DNAH10: variants seen among roughly 807,000 people sequenced by gnomAD.
DNAH10 encodes dynein axonemal heavy chain 10, also known as axonemal beta dynein heavy chain 10.
DNAH10 carries 348 observed loss-of-function variants against 506.6 expected under a neutral mutation model. That is an observed-to-expected ratio of 0.69 (90% confidence interval 0.63 to 0.75). The LOEUF (loss-of-function observed/expected upper bound fraction) is 0.75. Among genes scored for constraint, DNAH10 ranks in the 30% least tolerant of loss-of-function variants. The pLI is 0.00. For missense variants in DNAH10, 5,179 were observed against 5,787.1 expected, an observed-to-expected ratio of 0.89 and a Z score of 3.41; for synonymous variants, 2,059 against 2,198.6, an observed-to-expected ratio of 0.94 and a Z score of 1.78.
rs899096273 is a variant in DNAH10, at chr12:123,859,849, A to G, written c.6749+581A>G. On this transcript the variant is annotated intron_variant, in intron 38 of 78. Transcript: ENST00000673944. ...GGATTTTGAGAACAGCCTGGGCAAC[A>G]TAATGAGACTCCGTCTCCACATTAA... 2.0e-5 allele frequency among the ~76,000 whole-genome samples: 3 copies of G among 152,178 alleles called. No homozygotes were observed. The East Asian group carries it at 5.8e-4, about 29-fold the overall frequency.
rs755011165 is a variant in DNAH10 at position 123,925,250 on chromosome 12, T to A, written c.11921+46T>A. 6 of 1,611,158 alleles carry A rather than the reference T, an allele frequency of 3.7e-6. No homozygotes were observed. The highest frequency in any genetic ancestry group is 5.1e-6 in the Non-Finnish European group (6 of 1,177,810). ...ATTTGCCACTTTCCGTGGGGTGGAA[T>A]CTCTAGCGTCCTCCCACCTTGGACT... On this transcript the variant is annotated intron_variant, in intron 68 of 78. Coordinates refer to ENST00000673944, the MANE Select transcript of DNAH10 (RefSeq NM_001372106.1). The surrounding 1 kb of genome is among the most constrained non-coding windows in gnomAD (Gnocchi z 4.0).
At chr12:123,896,192 G>A (rs1221229807) in intron 54 of DNAH10, among the ~76,000 whole-genome samples, 9 of 145,896 alleles carry the variant, frequency 6.2e-5, no homozygotes, top group African/African-American at 2.0e-4. Flanking sequence ...GAGAGAGAGA[G>A]AGAATATATT....
chr12:123,822,904 C>T (rs1413341586), intron 24 of DNAH10, among the ~76,000 whole-genome samples: 1 of 152,218 alleles, frequency 6.6e-6, no homozygotes, highest in Non-Finnish European at 1.5e-5. Context: ...GGGAGGGCCA[C>T]CTGCTTTACT....
intron 65 of DNAH10, among the ~76,000 whole-genome samples, chr12:123,921,704 T>G (rs1408693211): frequency 3.7e-5 from 2 of 53,674 alleles, no homozygotes; most frequent in South Asian, 6.1e-4. Context: ...TTTTTTTTTT[T>G]TTTTTTTTTT....
chr12:123,857,278 C>T (rs770292666), intron 37 of DNAH10, 31 bp downstream of exon 37: 22 of 1,487,928 alleles, frequency 1.5e-5, no homozygotes, highest in South Asian at 4.2e-5. Flanking sequence ...TCACTGTGGC[C>T]GTGCATCCTT....
chr12:123,932,131 C>T, intron 76 of DNAH10, 23 bp downstream of exon 76: 5 of 1,612,222 alleles, frequency 3.1e-6, no homozygotes, highest in Non-Finnish European at 4.2e-6. Context: ...TCACCGCCTC[C>T]TCTCTGCCGA....
At chr12:123,921,715 T>G (rs1361809259) in intron 65 of DNAH10, among the ~76,000 whole-genome samples, 7 of 86,038 alleles carry the variant, frequency 8.1e-5, no homozygotes, top group East Asian at 2.6e-4. Context: ...TTTTTTTTTT[T>G]TTTTTTTTTT....
chr12:123,887,202 A>T lies in DNAH10; in HGVS notation c.8884A>T (p.Ser2962Cys), dbSNP rs980719790. 9.9e-6 allele frequency: 16 copies of T among 1,613,474 alleles called. No individual in the cohort carries two copies. The highest frequency in any genetic ancestry group is 6.7e-5 in the Admixed American group (4 of 59,952). The change falls in exon 52 of 79, where the codon AGC becomes TGC. Residue 2962 changes from serine to cysteine, a missense_variant. Physicochemically the swap from Ser to Cys is moderately radical, Grantham distance 112. Around this residue, in one of 3 missense-constraint regions of DNAH10, gnomAD observed 4,844 missense variants for 5,430.5 expected, o/e 0.89. Coordinates refer to ENST00000673944, the MANE Select transcript of DNAH10 (RefSeq NM_001372106.1). ...SENSFREDLK[S>C]LYLKLGIENK... is the part of the protein sequence containing the mutation. The stretch of plus-strand genomic sequence containing the variant: ...GAACAGTTTCCGGGAAGACCTGAAG[A>T]GCCTCTATTTGAAACTTGGGATTGA...
At chr12:123,872,778 A>T (rs944682714) in intron 45 of DNAH10, among the ~76,000 whole-genome samples, 6 of 152,170 alleles carry the variant, frequency 3.9e-5, no homozygotes, top group Admixed American at 3.9e-4. Flanking sequence ...GCACCACTGC[A>T]CTCCAACCTG....
intron 59 of DNAH10, 106 bp downstream of exon 59, chr12:123,910,778 T>A: frequency 7.0e-7 from 1 of 1,425,076 alleles, no homozygotes; most frequent in Non-Finnish European, 9.4e-7. Context: ...AGGTTCTGAC[T>A]TCAAGCTGCA....
chr12:123,801,408 A>G lies in DNAH10; in HGVS notation c.2590A>G (p.Lys864Glu). The stretch of plus-strand genomic sequence containing the variant: ...GCTCCGAGTGTTTAGGTCGGGATAT[A>G]AGAGGTTGAACTGGAACTCACTAGG... ...ELLRVFRSGY[K>E]RLNWNSLGIG... Residue 864 changes from lysine to glutamate, a missense_variant, in exon 16 of 79, where the codon AAG (lysine) becomes GAG (glutamate). By Grantham distance (56) the Lys-to-Glu change is moderately conservative (BLOSUM62 1). Transcript: ENST00000673944. 8 of 1,614,080 alleles carry G rather than the reference A, an allele frequency of 5.0e-6. No homozygotes were observed. Among genetic ancestry groups the G allele is most frequent in the Non-Finnish European group, 5.9e-6 (7 of 1,179,994 alleles).
intron 39 of DNAH10, among the ~76,000 whole-genome samples, chr12:123,862,289 T>C (rs1404316325): frequency 6.6e-6 from 1 of 152,202 alleles, no homozygotes; most frequent in Admixed American, 6.5e-5. Context: ...CCCAATGGTT[T>C]GGAGCATCTG....
intron 50 of DNAH10, among the ~76,000 whole-genome samples, chr12:123,880,599 C>T (rs1952461971): frequency 6.6e-6 from 1 of 151,476 alleles, no homozygotes; most frequent in African/African-American, 2.4e-5. Flanking sequence ...CCCTCCTCAG[C>T]CTCCCAAAGT....
rs189611450 is a variant in DNAH10 at position 123,850,218 on chromosome 12, A to G, written c.6103-670A>G. Among the ~76,000 whole-genome samples, 511 of 152,130 alleles carry G rather than the reference A, an allele frequency of 3.4e-3. No homozygotes were observed. Among genetic ancestry groups the G allele is most frequent in the Middle Eastern group, 6.8e-3 (2 of 294 alleles). On this transcript the variant is annotated intron_variant, in intron 34 of 78. Transcript: ENST00000673944. This position sits in a 1 kb window ranked among gnomAD's most constrained non-coding sequence, Gnocchi z 5.5. ...CTGTCCTCTGCCTGGCTGGTGGACA[A>G]TCAAAAAAAATAAAATAGAAAACTT...
At chr12:123,823,001 C>T (rs563407313) in intron 24 of DNAH10, among the ~76,000 whole-genome samples, 12 of 152,320 alleles carry the variant, frequency 7.9e-5, no homozygotes, top group Non-Finnish European at 1.3e-4. Context: ...ACCTTTGCAC[C>T]GATATGTGAA....
At chr12:123,776,908 T>C (rs1957461943) in intron 5 of DNAH10, among the ~76,000 whole-genome samples, 2 of 152,150 alleles carry the variant, frequency 1.3e-5, no homozygotes, top group South Asian at 2.1e-4. Context: ...TGAGAAAATA[T>C]ATAGTGTGTT....
intron 27 of DNAH10, among the ~76,000 whole-genome samples, chr12:123,834,946 T>C (rs948808438): frequency 2.6e-5 from 4 of 152,238 alleles, no homozygotes; most frequent in Non-Finnish European, 4.4e-5. Context: ...TTGGGTTGTT[T>C]CCACCTTTTG....
intron 1 of DNAH10, among the ~76,000 whole-genome samples, chr12:123,765,445 A>G (rs927435690): frequency 6.6e-5 from 10 of 152,140 alleles, no homozygotes; most frequent in Non-Finnish European, 1.3e-4. Flanking sequence ...GGTAACCACT[A>G]TTATTAGTTT....
At position 123,810,410 on chromosome 12, in the gene DNAH10, C is replaced by T. The variant is rs551259376; in HGVS notation, c.3144+1457C>T. Among the ~76,000 whole-genome samples, 7 of 152,266 alleles carry T rather than the reference C, an allele frequency of 4.6e-5. No homozygotes were observed. In the East Asian group the frequency reaches 9.6e-4, roughly 21 times the overall value. ...AAAAATTGATGAATAAGGCCAGGCG[C>T]GGTGGCTCACGCCTGTAATCCCAGC... On this transcript the variant is annotated intron_variant, in intron 19 of 78. Transcript: ENST00000673944.
Sources: allele counts gnomAD v4.1 joint callset (sites outside exome capture counted in the v4.1 genomes callset), GRCh38; gene constraint gnomAD v4.1.1; regional missense constraint gnomAD v4.1.1; non-coding constraint Gnocchi (gnomAD v3.1); transcripts MANE v1.5; gene names NCBI Gene and HGNC (gene_info 2026-07-23, HGNC 2026-07-21).